SRRM4: variants seen among roughly 807,000 people sequenced by gnomAD.
SRRM4 encodes serine/arginine repetitive matrix 4.
In SRRM4, 33 loss-of-function variants were observed where a neutral mutation model predicts 68.9. The ratio of observed to expected loss-of-function variants is 0.48; its 90% CI spans 0.36 to 0.64. SRRM4 has a LOEUF of 0.64. Ranked by LOEUF, SRRM4 falls within the 30% of genes least tolerant of loss-of-function variation. The pLI is 0.00. For missense variants in SRRM4, 817 were observed against 827.1 expected, an observed-to-expected ratio of 0.99 and a Z score of 0.15; for synonymous variants, 318 against 318.8, an observed-to-expected ratio of 1.00 and a Z score of 0.03.
intron 12 of SRRM4, 79 bp from the exon 13 acceptor site, chr12:119,156,416 C>T (rs1474296852): frequency 8.8e-6 from 13 of 1,480,816 alleles, no homozygotes; most frequent in East Asian, 4.9e-5. Flanking sequence ...TATTGGTTTC[C>T]CTTGGGACAA....
chr12:119,055,739 A>G (rs1231503443), intron 1 of SRRM4, among the ~76,000 whole-genome samples: 1 of 152,252 alleles, frequency 6.6e-6, no homozygotes, highest in African/African-American at 2.4e-5. Flanking sequence ...TTCTGCCTCG[A>G]ACAGCAGCAG....
chr12:119,092,304 C>T (rs774720665), intron 1 of SRRM4, among the ~76,000 whole-genome samples: 98 of 152,300 alleles, frequency 6.4e-4, no homozygotes, highest in African/African-American at 2.0e-3. Context: ...ATCTCTCAAA[C>T]GCATTTCCCT....
intron 7 of SRRM4, 112 bp from the exon 8 acceptor site, chr12:119,130,566 T>C (rs1008813354): frequency 5.2e-5 from 56 of 1,080,932 alleles, no homozygotes; most frequent in Non-Finnish European, 6.5e-5. Context: ...TATGAACATA[T>C]ACAAACACCC....
chr12:119,034,833 T>C (rs975580244), intron 1 of SRRM4, among the ~76,000 whole-genome samples: 1 of 152,204 alleles, frequency 6.6e-6, no homozygotes, highest in African/African-American at 2.4e-5. Context: ...CTTTTATTCC[T>C]AATCATTTTT....
At chr12:119,121,756 C>T (rs1324049662) in intron 5 of SRRM4, among the ~76,000 whole-genome samples, 1 of 152,208 alleles carries the variant, frequency 6.6e-6, no homozygotes, top group Non-Finnish European at 1.5e-5. Flanking sequence ...CAACAGAGTG[C>T]CTAGACTGTA....
intron 1 of SRRM4, among the ~76,000 whole-genome samples, chr12:119,070,330 G>C (rs1415173868): frequency 6.6e-6 from 1 of 152,072 alleles, no homozygotes; most frequent in Admixed American, 6.5e-5. Context: ...CTAAGCATGA[G>C]GGATTCAGTT....
intron 1 of SRRM4, among the ~76,000 whole-genome samples, chr12:119,008,809 C>T (rs535637241): frequency 3.3e-5 from 5 of 152,218 alleles, no homozygotes; most frequent in East Asian, 1.9e-4. Flanking sequence ...ACCAGCTCTC[C>T]GGCCTTTGAC....
intron 1 of SRRM4, among the ~76,000 whole-genome samples, chr12:119,085,871 G>T (rs943119410): frequency 2.0e-5 from 3 of 152,066 alleles, no homozygotes; most frequent in Non-Finnish European, 4.4e-5. Context: ...AGGATGGAGG[G>T]TGGTGGCCAG....
At chr12:119,089,087 C>T (rs1565905711) in intron 1 of SRRM4, among the ~76,000 whole-genome samples, 1 of 152,116 alleles carries the variant, frequency 6.6e-6, no homozygotes, top group Non-Finnish European at 1.5e-5. Flanking sequence ...GTTGTTCAGT[C>T]CCTGCCCCTC....
chr12:119,013,343 A>G (rs186184388), intron 1 of SRRM4, among the ~76,000 whole-genome samples: 1 of 152,346 alleles, frequency 6.6e-6, no homozygotes, highest in East Asian at 1.9e-4. Context: ...CAGGGTTAAG[A>G]TTCAAATGAT....
chr12:119,062,234 T>C lies in SRRM4; in HGVS notation c.132-40002T>C, dbSNP rs537348312. Among the ~76,000 whole-genome samples, 6 of 152,332 alleles carry C rather than the reference T, an allele frequency of 3.9e-5. No homozygotes were observed. The South Asian group carries it at 1.2e-3, about 32-fold the overall frequency. Reference sequence around the variant, plus strand: ...AGATTTTAAAAGTGGTTTATCTGTATAGGGCACTTGCTGGAGATTTCAGGG... The same window carrying C: ...AGATTTTAAAAGTGGTTTATCTGTACAGGGCACTTGCTGGAGATTTCAGGG... On this transcript the variant is annotated intron_variant, in intron 1 of 12. Transcript: ENST00000267260.
chr12:119,112,983 A>T (rs1446193013), intron 2 of SRRM4, among the ~76,000 whole-genome samples: 1 of 151,794 alleles, frequency 6.6e-6, no homozygotes. Flanking sequence ...AAATTAAAAA[A>T]AAACAGCACA....
chr12:119,023,008 T>C (rs949590747), intron 1 of SRRM4, among the ~76,000 whole-genome samples: 32 of 152,294 alleles, frequency 2.1e-4, no homozygotes, highest in Admixed American at 9.8e-4. Context: ...AAGCCCTCTC[T>C]TGAAGCCCCC....
At chr12:119,090,952 C>G (rs377487043) in intron 1 of SRRM4, among the ~76,000 whole-genome samples, 2 of 152,234 alleles carry the variant, frequency 1.3e-5, no homozygotes, top group African/African-American at 4.8e-5. Flanking sequence ...AGCCCTTTAT[C>G]TCACTTCTTG....
rs1349322938 is a variant in SRRM4, at chr12:119,153,534, C to G, written c.1281-5C>G. The G allele has an allele frequency of 6.4e-7, 1 of 1,558,768 alleles. No homozygotes were observed. Among genetic ancestry groups the G allele is most frequent in the Non-Finnish European group, 8.7e-7 (1 of 1,150,754 alleles). ...GCTCCTCAGAGGCTGTTACCTCTCC[C>G]CCAGGTCCTACTCCCGCTCTCCCAG... On this transcript the variant is annotated splice_region_variant and splice_polypyrimidine_tract_variant and intron_variant, in intron 10 of 12. Transcript: ENST00000267260.
chr12:119,102,144 TG>T, intron 1 of SRRM4, 91 bp from the exon 2 acceptor site: 2 of 1,299,692 alleles, frequency 1.5e-6, no homozygotes, highest in Non-Finnish European at 2.1e-6. Flanking sequence ...TAAGGGAAGC[TG>T]GGAAATACTA....
At chr12:119,114,682 T>TTTTTG (rs1954166862) in intron 3 of SRRM4, among the ~76,000 whole-genome samples, 1 of 119,256 alleles carries the variant, frequency 8.4e-6, no homozygotes, top group African/African-American at 2.8e-5. Flanking sequence ...TTTTTTTTTT[T>TTTTTG]GAGACGGAGT....
chr12:119,007,013 G>A (rs1159909486), intron 1 of SRRM4, among the ~76,000 whole-genome samples: 1 of 152,208 alleles, frequency 6.6e-6, no homozygotes, highest in African/African-American at 2.4e-5. Context: ...CTCCTAAGTG[G>A]GCCACCTCAG....
rs1026966083 is a variant in SRRM4 at position 119,114,503 on chromosome 12, C to G, written c.365+139C>G. The G allele has an allele frequency of 4.7e-6, 3 of 633,548 alleles. No homozygotes were observed. The African/African-American group carries it at 5.5e-5, about 12-fold the overall frequency. The allele number at this position is 633,548 out of a possible 1,614,324, so 39.2% of individuals were successfully genotyped here. A position where few individuals can be genotyped will look rare whatever the true frequency, so the allele number is the denominator to read the frequency against. Reference sequence around the variant, plus strand: ...ACTAGCTGTGTGACCTTGGGCAAGTCACTTTACATCTCTGTTCCTGTTTTT... The same window carrying G: ...ACTAGCTGTGTGACCTTGGGCAAGTGACTTTACATCTCTGTTCCTGTTTTT... On this transcript the variant is annotated intron_variant, in intron 3 of 12. Transcript: ENST00000267260.
Sources: allele counts gnomAD v4.1 joint callset (sites outside exome capture counted in the v4.1 genomes callset), GRCh38; gene constraint gnomAD v4.1.1; transcripts MANE v1.5; gene names NCBI Gene and HGNC (gene_info 2026-07-23, HGNC 2026-07-21).